DPP6: variants seen among roughly 807,000 people sequenced by gnomAD.
DPP6 encodes A-type potassium channel modulatory protein DPP6.
In DPP6, 69 loss-of-function variants were observed where a neutral mutation model predicts 122.6. The observed-to-expected ratio is 0.56, with a 90% confidence interval of 0.46 to 0.69. The LOEUF is 0.69. Among genes scored for constraint, DPP6 ranks in the 30% least tolerant of loss-of-function variants. DPP6 has a pLI of 0.00. For missense variants in DPP6, 928 were observed against 1,116.9 expected, an observed-to-expected ratio of 0.83 and a Z score of 2.41; for synonymous variants, 418 against 433.1, an observed-to-expected ratio of 0.97 and a Z score of 0.43.
intron 1 of DPP6, among the ~76,000 whole-genome samples, chr7:154,346,108 C>A (rs1810373814): frequency 6.6e-6 from 1 of 152,130 alleles, no homozygotes; most frequent in African/African-American, 2.4e-5. Flanking sequence ...AAAAGACAAG[C>A]ACTTCCTGTT....
intron 1 of DPP6, among the ~76,000 whole-genome samples, chr7:153,967,769 G>A (rs39164): frequency 0.25 from 38,484 of 151,868 alleles, 6,359 homozygotes; most frequent in Non-Finnish European, 0.37. Context: ...ATGAGCTCAC[G>A]TCTAGGGTTG....
rs527295105 is a variant in DPP6 at position 154,165,253 on chromosome 7, G to A, written c.243+112190G>A. 2.0e-4 allele frequency among the ~76,000 whole-genome samples: 29 copies of A among 144,706 alleles called. No homozygotes were observed. In the East Asian group the frequency reaches 4.1e-3, roughly 20 times the overall value. The allele number at this position is 144,706 out of a possible 152,430, so 94.9% of individuals were successfully genotyped here. A position where few individuals can be genotyped will look rare whatever the true frequency, so the allele number is the denominator to read the frequency against. ...TTCCCACCTATGAGTGAGAATATGCGGTGTTTGGTTTTTTGTTCTTGCGAT... is the reference window on the plus strand; with the variant it reads ...TTCCCACCTATGAGTGAGAATATGCAGTGTTTGGTTTTTTGTTCTTGCGAT... On this transcript the variant is annotated intron_variant, in intron 1 of 25. Transcript: ENST00000377770.
chr7:154,251,264 G>T (rs78818609), intron 1 of DPP6, among the ~76,000 whole-genome samples: 1 of 152,106 alleles, frequency 6.6e-6, no homozygotes, highest in African/African-American at 2.4e-5. Flanking sequence ...TTCAGAGGAA[G>T]AGCTACAGAT....
intron 8 of DPP6, among the ~76,000 whole-genome samples, chr7:154,730,470 A>G (rs150027348): frequency 1.4e-3 from 215 of 152,352 alleles, no homozygotes; most frequent in Admixed American, 3.5e-3. Flanking sequence ...AGCACATGAC[A>G]TGGTCAGCAA....
At chr7:154,412,816 T>G (rs1816722003) in intron 1 of DPP6, among the ~76,000 whole-genome samples, 1 of 152,202 alleles carries the variant, frequency 6.6e-6, no homozygotes, top group African/African-American at 2.4e-5. Flanking sequence ...GGGCACACAC[T>G]GTGGCAGGTG....
intron 1 of DPP6, among the ~76,000 whole-genome samples, chr7:154,320,288 G>A (rs1020116077): frequency 1.3e-5 from 2 of 152,008 alleles, no homozygotes; most frequent in African/African-American, 4.8e-5. Flanking sequence ...GTCCAGTGCG[G>A]TCTCCATAAA....
chr7:153,890,321 G>T (rs1000892926), intron 1 of DPP6, among the ~76,000 whole-genome samples: 1 of 152,140 alleles, frequency 6.6e-6, no homozygotes, highest in Non-Finnish European at 1.5e-5. Context: ...TGCCCAAATG[G>T]TCACGGAAAT....
chr7:154,158,229 G>T (rs1394023825), intron 1 of DPP6, among the ~76,000 whole-genome samples: 1 of 150,874 alleles, frequency 6.6e-6, no homozygotes, highest in Non-Finnish European at 1.5e-5. Context: ...AGAGCTTTCA[G>T]ATCTTGGAGG....
In DPP6 at chr7:154,510,936, G is replaced by GCA. The variant is rs3056506; in HGVS notation, c.458-29561_458-29560dup. On this transcript the variant is annotated intron_variant, in intron 3 of 25. Transcript: ENST00000377770. ...CTCTCTTACACATACACACACACAT[G>GCA]CACACACACACACACACACACACAC... 5.6e-4 allele frequency among the ~76,000 whole-genome samples: 82 copies of GCA among 145,206 alleles called. 1 individual carries two copies. The East Asian group carries it at 6.1e-3, about 11-fold the overall frequency.
chr7:153,803,265 G>T, the DPP6 span, among the ~76,000 whole-genome samples: 1 of 148,936 alleles, frequency 6.7e-6, no homozygotes, highest in Non-Finnish European at 1.5e-5. Context: ...ACCTGAGTGG[G>T]ATACAGGATG....
At chr7:153,835,503 A>C in the DPP6 span, among the ~76,000 whole-genome samples, 1 of 152,168 alleles carries the variant, frequency 6.6e-6, no homozygotes, top group African/African-American at 2.4e-5. Context: ...TACATACATA[A>C]GATTCTGTGA....
intron 7 of DPP6, among the ~76,000 whole-genome samples, chr7:154,726,853 T>A (rs1399342573): frequency 6.6e-6 from 1 of 152,214 alleles, no homozygotes; most frequent in Non-Finnish European, 1.5e-5. Flanking sequence ...ATAACAAAAG[T>A]GACCTTGGCT....
intron 1 of DPP6, among the ~76,000 whole-genome samples, chr7:153,928,838 AG>A (rs1025924909): frequency 2.4e-4 from 37 of 152,256 alleles, no homozygotes; most frequent in Middle Eastern, 3.4e-3. Flanking sequence ...CCTAATTAGA[AG>A]GGTATAGTTG....
At chr7:153,927,357 G>A (rs901407538) in intron 1 of DPP6, among the ~76,000 whole-genome samples, 3 of 152,274 alleles carry the variant, frequency 2.0e-5, no homozygotes, top group Admixed American at 6.5e-5. Flanking sequence ...AATAATTGTA[G>A]ATATCTGTGG....
At chr7:153,809,134 C>T in the DPP6 span, among the ~76,000 whole-genome samples, 1 of 151,990 alleles carries the variant, frequency 6.6e-6, no homozygotes, top group African/African-American at 2.4e-5. Flanking sequence ...ATTTGCGTTT[C>T]CCTGATGATT....
At chr7:153,955,794 A>G (rs1802432638) in intron 1 of DPP6, among the ~76,000 whole-genome samples, 2 of 152,186 alleles carry the variant, frequency 1.3e-5, no homozygotes, top group South Asian at 4.1e-4. Flanking sequence ...TAACTTGGGA[A>G]AGGTCACACA....
intron 17 of DPP6, among the ~76,000 whole-genome samples, chr7:154,864,054 T>A (rs1235508953): frequency 6.6e-6 from 1 of 152,040 alleles, no homozygotes; most frequent in African/African-American, 2.4e-5. Flanking sequence ...AGGAGAGGCC[T>A]GGACTAGAAA....
chr7:154,345,316 T>C (rs1176170094), intron 1 of DPP6, among the ~76,000 whole-genome samples: 7 of 152,308 alleles, frequency 4.6e-5, no homozygotes, highest in Admixed American at 4.6e-4. Context: ...TACCACCTGA[T>C]ACCATCCCAC....
chr7:154,400,234 C>T lies in DPP6; in HGVS notation c.244-45980C>T, dbSNP rs1007015997. On this transcript the variant is annotated intron_variant, in intron 1 of 25. Coordinates refer to ENST00000377770, the MANE Select transcript of DPP6 (RefSeq NM_130797.4). ...GACGCCTCCTGACTCTCACTGGCCACAGCAAAGAGAGGTAGGTTTGCTGGC... is the reference window on the plus strand; with the variant it reads ...GACGCCTCCTGACTCTCACTGGCCATAGCAAAGAGAGGTAGGTTTGCTGGC... 9.2e-5 allele frequency among the ~76,000 whole-genome samples: 14 copies of T among 152,284 alleles called. No individual in the cohort carries two copies. The South Asian group carries it at 2.9e-3, about 32-fold the overall frequency.
Sources: gnomAD v4.1 joint callset for allele counts (sites outside exome capture counted in the v4.1 genomes callset) on GRCh38, gnomAD v4.1.1 for gene constraint, MANE v1.5 for transcripts, NCBI Gene and HGNC (gene_info 2026-07-23, HGNC 2026-07-21) for gene names.